Variants in HNMT observed in about 807,000 individuals in gnomAD.
The protein encoded by HNMT is histamine N-methyltransferase.
In HNMT, 30 loss-of-function variants were observed where a neutral mutation model predicts 32.1. The ratio of observed to expected loss-of-function variants is 0.93; its 90% CI spans 0.70 to 1.27. The LOEUF (loss-of-function observed/expected upper bound fraction) is 1.27, where lower values mean the gene tolerates loss of function less well. Among genes scored for constraint, HNMT ranks in the 50% most tolerant of loss-of-function variants. The pLI, the probability that HNMT is intolerant of heterozygous loss-of-function variation, is 0.00. For missense variants in HNMT, 327 were observed against 346.0 expected (o/e 0.95, Z 0.43); for synonymous variants, 125 against 119.0 (o/e 1.05, Z -0.33).
At chr2:137,998,411 T>G (rs1337327617) in intron 2 of HNMT, among the ~76,000 whole-genome samples, 1 of 152,108 alleles carries the variant, frequency 6.6e-6, no homozygotes, top group Non-Finnish European at 1.5e-5. Flanking sequence ...CGAAAGCAGA[T>G]GGACACTAAG....
chr2:137,990,833 C>T (rs1471627364), intron 2 of HNMT, among the ~76,000 whole-genome samples: 1 of 151,830 alleles, frequency 6.6e-6, no homozygotes, highest in African/African-American at 2.4e-5. Context: ...TTTCTCCCAA[C>T]ACCAAGCAGC....
intron 2 of HNMT, among the ~76,000 whole-genome samples, chr2:137,977,754 T>C (rs553421875): frequency 3.3e-5 from 5 of 151,882 alleles, no homozygotes; most frequent in Non-Finnish European, 5.9e-5. Context: ...TGAAAGTAAT[T>C]TGGCATTATA....
At chr2:137,979,631 A>G (rs1680424053) in intron 2 of HNMT, among the ~76,000 whole-genome samples, 1 of 152,140 alleles carries the variant, frequency 6.6e-6, no homozygotes, top group Non-Finnish European at 1.5e-5. Context: ...AAGAGAATAT[A>G]GTATAGCCAC....
intron 2 of HNMT, among the ~76,000 whole-genome samples, chr2:138,000,203 T>C (rs1681118631): frequency 6.6e-6 from 1 of 152,072 alleles, no homozygotes; most frequent in African/African-American, 2.4e-5. Flanking sequence ...ATCCCTCACT[T>C]CCCCACAGTT....
At chr2:138,008,529 A>G (rs112606362) in intron 5 of HNMT, among the ~76,000 whole-genome samples, 54 of 151,940 alleles carry the variant, frequency 3.6e-4, no homozygotes, top group African/African-American at 1.3e-3. Flanking sequence ...AAACCATACT[A>G]TAGGGGGGTA....
chr2:138,015,315 T>A lies in HNMT; in HGVS notation c.*1185T>A, dbSNP rs931721472. 2.6e-5 allele frequency: 4 copies of A among 151,828 alleles called. No homozygotes were observed. Among genetic ancestry groups the A allele is most frequent in the African/African-American group, 4.8e-5 (2 of 41,330 alleles). 9.4% of individuals were successfully genotyped at this position (151,828 alleles called of 1,614,324 possible). A position where few individuals can be genotyped will look rare whatever the true frequency, so the allele number is the denominator to read the frequency against. ...TGTCACAAACAAAACAAAAGTAAGG[T>A]TTTACTAAACAGCTCATGAGCCCTC... On this transcript the variant is annotated 3_prime_UTR_variant, in exon 6 of 6. Transcript: ENST00000280097.
At chr2:137,975,775 T>C (rs1374223754) in intron 2 of HNMT, among the ~76,000 whole-genome samples, 1 of 152,158 alleles carries the variant, frequency 6.6e-6, no homozygotes, top group African/African-American at 2.4e-5. Context: ...CAATGATCCA[T>C]AGTAAGCCAA....
chr2:137,997,210 A>G (rs952908528), intron 2 of HNMT, among the ~76,000 whole-genome samples: 3 of 152,242 alleles, frequency 2.0e-5, no homozygotes, highest in African/African-American at 7.2e-5. Flanking sequence ...GCACAGCAAA[A>G]GAAACTATCA....
At chr2:138,004,068 TTATGA>T (rs1681262199) in intron 4 of HNMT, among the ~76,000 whole-genome samples, 1 of 152,100 alleles carries the variant, frequency 6.6e-6, no homozygotes, top group African/African-American at 2.4e-5. Flanking sequence ...CCTCACACTC[TTATGA>T]TACTTTTACA....
chr2:137,988,544 A>C (rs549063112), intron 2 of HNMT: 22 of 124,706 alleles, frequency 1.8e-4, no homozygotes, highest in African/African-American at 6.6e-4. Flanking sequence ...TGAACTATTG[A>C]CCCCCCTTTT....
chr2:137,990,029 C>A (rs2104956016), intron 2 of HNMT, among the ~76,000 whole-genome samples: 1 of 152,164 alleles, frequency 6.6e-6, no homozygotes, highest in South Asian at 2.1e-4. Context: ...TATTTTCTTT[C>A]ATGCTTGTCA....
At chr2:138,002,984 A>T (rs1243798537) in intron 4 of HNMT, among the ~76,000 whole-genome samples, 1 of 150,508 alleles carries the variant, frequency 6.6e-6, no homozygotes, top group Non-Finnish European at 1.5e-5. Context: ...TGACGCAAGA[A>T]CAAAAAACCA....
intron 2 of HNMT, among the ~76,000 whole-genome samples, chr2:137,973,389 A>G (rs753824804): frequency 7.9e-5 from 12 of 152,114 alleles, no homozygotes; most frequent in South Asian, 2.1e-4. Context: ...TGCCTTAGAG[A>G]AATGGTCTCC....
chr2:138,009,593 A>G (rs1318009893), intron 5 of HNMT, among the ~76,000 whole-genome samples: 1 of 152,070 alleles, frequency 6.6e-6, no homozygotes, highest in African/African-American at 2.4e-5. Context: ...ATAGAAATAT[A>G]TTGGTCAGCT....
intron 5 of HNMT, among the ~76,000 whole-genome samples, chr2:138,012,180 G>A (rs112353293): frequency 3.8e-4 from 58 of 152,106 alleles, no homozygotes; most frequent in African/African-American, 1.3e-3. Flanking sequence ...GTACCATTAC[G>A]CAATAATTCA....
At chr2:138,005,086 C>A in intron 4 of HNMT, 46 bp from the exon 5 acceptor site, 1 of 1,073,882 alleles carries the variant, frequency 9.3e-7, no homozygotes, top group Non-Finnish European at 1.4e-6. Flanking sequence ...GCAATAAAGA[C>A]TTCAACATAC....
chr2:138,005,286 C>T, intron 5 of HNMT, 61 bp downstream of exon 5: 1 of 899,320 alleles, frequency 1.1e-6, no homozygotes, highest in South Asian at 1.4e-5. Flanking sequence ...TGCATGGATT[C>T]CTGTGTTTGA....
Position 137,964,640 on chromosome 2 carries a change from G to T in HNMT, c.137+12G>T. On this transcript the variant is annotated intron_variant, in intron 1 of 5. Coordinates refer to ENST00000280097, the MANE Select transcript of HNMT (RefSeq NM_006895.3). Reference sequence around the variant, plus strand: ...GGCATAATAGGAAGGTAACAAAAGGGACGTTGTTGTCAAAGGGACAAGCCT... The same window carrying T: ...GGCATAATAGGAAGGTAACAAAAGGTACGTTGTTGTCAAAGGGACAAGCCT... 1.2e-6 allele frequency: 2 copies of T among 1,613,540 alleles called. No homozygotes were observed. The highest frequency in any genetic ancestry group is 1.7e-6 in the Non-Finnish European group (2 of 1,179,562).
chr2:137,990,886 T>A (rs1475488159), intron 2 of HNMT, among the ~76,000 whole-genome samples: 1 of 152,130 alleles, frequency 6.6e-6, no homozygotes, highest in African/African-American at 2.4e-5. Flanking sequence ...ATTCTGATGC[T>A]GTCTCCCTGA....
Sources: gnomAD v4.1 joint callset for allele counts (sites outside exome capture counted in the v4.1 genomes callset) on GRCh38, gnomAD v4.1.1 for gene constraint, MANE v1.5 for transcripts, NCBI Gene and HGNC (gene_info 2026-07-23, HGNC 2026-07-21) for gene names.